SYNDIG1: variants seen among roughly 807,000 people sequenced by gnomAD.
SYNDIG1 encodes synapse differentiation inducing 1, also known as synapse differentiation-inducing gene protein 1.
Under a neutral mutation model 19.4 loss-of-function variants are expected in SYNDIG1, and 9 were observed. The observed-to-expected ratio is 0.46, with a 90% CI of 0.28 to 0.81. The LOEUF is 0.81. Among genes scored for constraint, SYNDIG1 ranks in the 30% least tolerant of loss-of-function variants. The pLI, the probability that SYNDIG1 is intolerant of heterozygous loss-of-function variation, is 0.12. For synonymous variants in SYNDIG1, 141 were observed against 145.9 expected, an observed-to-expected ratio of 0.97 and a Z score of 0.24; for missense variants, 311 against 343.3, an observed-to-expected ratio of 0.91 and a Z score of 0.74.
intron 1 of SYNDIG1, among the ~76,000 whole-genome samples, chr20:24,542,638 T>TC (rs1672726201): frequency 6.6e-6 from 1 of 152,244 alleles, no homozygotes; most frequent in Non-Finnish European, 1.5e-5. Context: ...GAAGAGCTAA[T>TC]CGCCTTTACA....
At chr20:24,555,634 C>G (rs1600612171) in intron 2 of SYNDIG1, among the ~76,000 whole-genome samples, 1 of 152,108 alleles carries the variant, frequency 6.6e-6, no homozygotes, top group South Asian at 2.1e-4. Context: ...TTTCTTAATC[C>G]TGAGTTCTAG....
At chr20:24,502,199 A>T (rs1476533961) in intron 1 of SYNDIG1, 1 of 152,270 alleles carries the variant, frequency 6.6e-6, no homozygotes, top group Non-Finnish European at 1.5e-5. Context: ...GCTTTCTGGA[A>T]CCACCTCCCA....
intron 1 of SYNDIG1, among the ~76,000 whole-genome samples, chr20:24,521,815 G>A (rs559455745): frequency 6.6e-6 from 1 of 150,638 alleles, no homozygotes; most frequent in Non-Finnish European, 1.5e-5. Flanking sequence ...CAGGAGAATC[G>A]CTTGAACCCA....
chr20:24,559,465 A>T (rs1447258323), intron 2 of SYNDIG1, among the ~76,000 whole-genome samples: 1 of 152,244 alleles, frequency 6.6e-6, no homozygotes, highest in Non-Finnish European at 1.5e-5. Context: ...AGGAAAAAAG[A>T]TCTATAAGCC....
At chr20:24,652,939 C>T (rs1268503011) in intron 3 of SYNDIG1, among the ~76,000 whole-genome samples, 1 of 152,162 alleles carries the variant, frequency 6.6e-6, no homozygotes, top group Admixed American at 6.5e-5. Context: ...CCTCTGCCTC[C>T]CTATCTCACC....
At chr20:24,512,071 A>G (rs943151110) in intron 1 of SYNDIG1, among the ~76,000 whole-genome samples, 10 of 145,846 alleles carry the variant, frequency 6.9e-5, no homozygotes, top group Non-Finnish European at 1.3e-4. Flanking sequence ...CTACTGATAT[A>G]GGAGAATGGC....
intron 1 of SYNDIG1, among the ~76,000 whole-genome samples, chr20:24,538,150 T>C (rs1817183483): frequency 6.6e-6 from 1 of 152,224 alleles, no homozygotes; most frequent in African/African-American, 2.4e-5. Flanking sequence ...AATTTTTAAG[T>C]GTACAGTTCG....
chr20:24,537,588 A>G (rs2057387246), intron 1 of SYNDIG1, among the ~76,000 whole-genome samples: 2 of 151,888 alleles, frequency 1.3e-5, no homozygotes, highest in African/African-American at 4.8e-5. Context: ...TATGGTATAC[A>G]CTCCTCCTTC....
At chr20:24,628,132 C>T (rs892937836) in intron 3 of SYNDIG1, among the ~76,000 whole-genome samples, 2 of 152,340 alleles carry the variant, frequency 1.3e-5, no homozygotes, top group East Asian at 3.9e-4. Context: ...GCATCCCCTG[C>T]ATGCTCAGCC....
chr20:24,613,128 A>T (rs1247938549), intron 3 of SYNDIG1, among the ~76,000 whole-genome samples: 1 of 151,796 alleles, frequency 6.6e-6, no homozygotes, highest in Non-Finnish European at 1.5e-5. Context: ...AAGATACCAG[A>T]CCTCCCTGTT....
intron 2 of SYNDIG1, among the ~76,000 whole-genome samples, chr20:24,551,017 G>T (rs1479820585): frequency 6.6e-6 from 1 of 152,072 alleles, no homozygotes; most frequent in Non-Finnish European, 1.5e-5. Context: ...GGTAATATTG[G>T]CTGCATAGAA....
intron 2 of SYNDIG1, among the ~76,000 whole-genome samples, chr20:24,561,421 A>G (rs2057943855): frequency 6.6e-6 from 1 of 152,210 alleles, no homozygotes. Flanking sequence ...CTCCACCAGT[A>G]GCTGGGCGTG....
At chr20:24,646,260 C>G (rs1375077903) in intron 3 of SYNDIG1, among the ~76,000 whole-genome samples, 2 of 152,212 alleles carry the variant, frequency 1.3e-5, no homozygotes, top group East Asian at 3.9e-4. Flanking sequence ...CTATACACAT[C>G]AGTGATTTCC....
chr20:24,542,813 G>A (rs2057493120), intron 1 of SYNDIG1, among the ~76,000 whole-genome samples: 1 of 152,182 alleles, frequency 6.6e-6, no homozygotes, highest in Admixed American at 6.5e-5. Context: ...AGAGATTCAG[G>A]TAATCAATTT....
chr20:24,500,518 CTTTCTTTCTT>C (rs1568587992), intron 1 of SYNDIG1, among the ~76,000 whole-genome samples: 5 of 113,604 alleles, frequency 4.4e-5, no homozygotes, highest in African/African-American at 1.7e-4. Context: ...TTCTTTCTTT[CTTTCTTTCTT>C]TCTTCTTTCT....
In SYNDIG1 at chr20:24,512,319, T is replaced by C. The variant is rs563098743; in HGVS notation, c.-78-30701T>C. On this transcript the variant is annotated intron_variant, in intron 1 of 3. Coordinates refer to ENST00000376862, the MANE Select transcript of SYNDIG1 (RefSeq NM_024893.3). ...AGGACAGTGGGTACAGCCCACTGAG[T>C]GTGAGCCAAAGCAGGGCGAGGCATT... 4.3e-3 allele frequency among the ~76,000 whole-genome samples: 648 copies of C among 150,166 alleles called. 6 individuals carry two copies. Among genetic ancestry groups the C allele is most frequent in the African/African-American group, 0.015 (620 of 40,800 alleles).
chr20:24,546,625 C>T (rs1038347630), intron 2 of SYNDIG1, among the ~76,000 whole-genome samples: 1 of 152,214 alleles, frequency 6.6e-6, no homozygotes, highest in Non-Finnish European at 1.5e-5. Context: ...AAGTCTTTGC[C>T]TGTGTCCTGC....
At chr20:24,624,108 A>G (rs536383681) in intron 3 of SYNDIG1, among the ~76,000 whole-genome samples, 1 of 152,214 alleles carries the variant, frequency 6.6e-6, no homozygotes, top group South Asian at 2.1e-4. Flanking sequence ...TAAAAATGCA[A>G]AAAAATAGCT....
chr20:24,615,177 G>A (rs1428261880), intron 3 of SYNDIG1, among the ~76,000 whole-genome samples: 1 of 152,186 alleles, frequency 6.6e-6, no homozygotes, highest in African/African-American at 2.4e-5. Context: ...ACAGCATTTT[G>A]TCCACCCTAA....
Sources: gnomAD v4.1 joint callset for allele counts (sites outside exome capture counted in the v4.1 genomes callset) on GRCh38, gnomAD v4.1.1 for gene constraint, MANE v1.5 for transcripts, NCBI Gene and HGNC (gene_info 2026-07-23, HGNC 2026-07-21) for gene names.